ERBB4: variants seen among roughly 807,000 people sequenced by gnomAD.
ERBB4 encodes the protein receptor tyrosine-protein kinase erbB-4.
In ERBB4, 42 loss-of-function variants were observed where a neutral mutation model predicts 158.0. The observed-to-expected ratio is 0.27, with a 90% CI of 0.21 to 0.34. The LOEUF is 0.34. ERBB4 is among the 10% of genes least tolerant of loss of function. ERBB4 has a pLI of 1.00. For missense variants in ERBB4, 1,333 were observed against 1,624.1 expected, an observed-to-expected ratio of 0.82 and a Z score of 3.08; for synonymous variants, 583 against 558.7, an observed-to-expected ratio of 1.04 and a Z score of -0.61.
At chr2:211,896,885 T>C (rs1438825599) in intron 3 of ERBB4, among the ~76,000 whole-genome samples, 1 of 152,042 alleles carries the variant, frequency 6.6e-6, no homozygotes, top group African/African-American at 2.4e-5. Flanking sequence ...TTTCCAATCC[T>C]ATTTATTTGG....
At chr2:212,044,943 G>C (rs926620930) in intron 2 of ERBB4, among the ~76,000 whole-genome samples, 6 of 151,768 alleles carry the variant, frequency 4.0e-5, no homozygotes, top group South Asian at 4.2e-4. Flanking sequence ...GGCAGCAATA[G>C]GCTCAAAGAT....
intron 1 of ERBB4, among the ~76,000 whole-genome samples, chr2:212,446,585 ATATATG>A (rs1400908811): frequency 0.014 from 272 of 19,962 alleles, 46 homozygotes; most frequent in African/African-American, 0.09. Context: ...TCCCATATAT[ATATATG>A]TATATATATA....
chr2:212,155,303 T>C (rs1359961775), intron 1 of ERBB4, among the ~76,000 whole-genome samples: 3 of 151,860 alleles, frequency 2.0e-5, no homozygotes, highest in Non-Finnish European at 4.4e-5. Context: ...ATAATAATTA[T>C]TATAAAAAAG....
At chr2:211,927,811 C>A (rs527619996) in intron 3 of ERBB4, among the ~76,000 whole-genome samples, 2 of 151,946 alleles carry the variant, frequency 1.3e-5, no homozygotes, top group East Asian at 3.9e-4. Context: ...TCCCTTCCAT[C>A]TCTAAAATAT....
intron 19 of ERBB4, among the ~76,000 whole-genome samples, chr2:211,563,626 T>C (rs550702412): frequency 1.3e-5 from 2 of 152,312 alleles, no homozygotes; most frequent in South Asian, 4.1e-4. Context: ...TGTACTATTA[T>C]ATCAATGTTA....
intron 1 of ERBB4, among the ~76,000 whole-genome samples, chr2:212,436,387 C>T (rs2092137932): frequency 1.3e-5 from 2 of 151,940 alleles, no homozygotes; most frequent in South Asian, 2.1e-4. Context: ...GACTGACATC[C>T]ACCAAATATG....
At chr2:212,153,764 G>A (rs1397309071) in intron 1 of ERBB4, among the ~76,000 whole-genome samples, 2 of 152,072 alleles carry the variant, frequency 1.3e-5, no homozygotes, top group Non-Finnish European at 2.9e-5. Flanking sequence ...ATATTTTGTG[G>A]CACTTTCTAG....
intron 1 of ERBB4, among the ~76,000 whole-genome samples, chr2:212,212,448 T>C (rs943127801): frequency 4.6e-5 from 7 of 151,902 alleles, no homozygotes; most frequent in African/African-American, 1.4e-4. Flanking sequence ...TCCATCCTCA[T>C]AGACAGGAAG....
intron 1 of ERBB4, among the ~76,000 whole-genome samples, chr2:212,515,976 A>C (rs887075357): frequency 4.6e-5 from 7 of 152,052 alleles, no homozygotes; most frequent in African/African-American, 1.7e-4. Context: ...GAATAAGTAA[A>C]CTGATTTCAT....
chr2:212,124,885 T>C lies in ERBB4; in HGVS notation c.101A>G (p.Asn34Ser). ...DSQSVCAGTE[N>S]KLSSLSDLEQ... ...CAGGTCAGAGAGAGAGCTCAGTTTATTCTCCGTTCCTGCACACACTGCAAA... is the reference window on the plus strand; with the variant it reads ...CAGGTCAGAGAGAGAGCTCAGTTTACTCTCCGTTCCTGCACACACTGCAAA... Residue 34 changes from asparagine (N) to serine (S), a missense_variant, in exon 2 of 28, where the codon AAT (asparagine) becomes AGT (serine). Transcript: ENST00000342788. The C allele has an allele frequency of 6.2e-7, 1 of 1,614,192 alleles. No individual in the cohort carries two copies. Among genetic ancestry groups the C allele is most frequent in the South Asian group, 1.1e-5 (1 of 91,082 alleles).
intron 2 of ERBB4, among the ~76,000 whole-genome samples, chr2:212,067,643 C>T (rs753496269): frequency 1.3e-4 from 20 of 151,988 alleles, no homozygotes; most frequent in Non-Finnish European, 2.8e-4. Context: ...CAACCAGAGA[C>T]GTTCAATCTA....
At chr2:212,438,978 T>C (rs559143961) in intron 1 of ERBB4, among the ~76,000 whole-genome samples, 1 of 152,240 alleles carries the variant, frequency 6.6e-6, no homozygotes, top group African/African-American at 2.4e-5. Flanking sequence ...CAGTGAGACA[T>C]GGTGCGTTTT....
chr2:211,473,896 A>G (rs1159354978), intron 20 of ERBB4, among the ~76,000 whole-genome samples: 1 of 152,068 alleles, frequency 6.6e-6, no homozygotes, highest in Non-Finnish European at 1.5e-5. Flanking sequence ...CCTAGGTCAT[A>G]AAAGCCAGAA....
chr2:212,043,895 A>G lies in ERBB4; in HGVS notation c.234+80857T>C, dbSNP rs1050675275. Among the ~76,000 whole-genome samples, 55 of 152,152 alleles carry G rather than the reference A, an allele frequency of 3.6e-4. 1 individual carries two copies. Among genetic ancestry groups the G allele is most frequent in the Admixed American group, 5.9e-4 (9 of 15,272 alleles). On this transcript the variant is annotated intron_variant, in intron 2 of 27. Transcript: ENST00000342788. The stretch of plus-strand genomic sequence containing the variant: ...ATGTAAAGCACTTAGCACAGTGCCT[A>G]GCATAATGTGATCACTCAATAAATA...
chr2:212,019,261 T>C (rs988546856), intron 2 of ERBB4, among the ~76,000 whole-genome samples: 2 of 152,192 alleles, frequency 1.3e-5, no homozygotes, highest in African/African-American at 4.8e-5. Context: ...GCGCCCTTAT[T>C]ATATAGCCAT....
At chr2:211,865,275 A>T (rs1357289780) in intron 3 of ERBB4, among the ~76,000 whole-genome samples, 1 of 151,694 alleles carries the variant, frequency 6.6e-6, no homozygotes, top group African/African-American at 2.4e-5. Context: ...ATTGGAAAAA[A>T]CCTGTCCTGA....
intron 3 of ERBB4, among the ~76,000 whole-genome samples, chr2:211,833,864 G>C (rs2077278489): frequency 6.6e-6 from 1 of 151,906 alleles, no homozygotes; most frequent in South Asian, 2.1e-4. Context: ...AAACTTTCTA[G>C]AAGAGTCCCA....
At chr2:212,098,807 G>C (rs919109031) in intron 2 of ERBB4, among the ~76,000 whole-genome samples, 2 of 152,094 alleles carry the variant, frequency 1.3e-5, no homozygotes, top group Non-Finnish European at 2.9e-5. Flanking sequence ...GCTTACTCTT[G>C]TAAGATTGGT....
intron 13 of ERBB4, 148 bp downstream of exon 13, chr2:211,678,904 T>C (rs2072215636): frequency 2.9e-6 from 2 of 683,394 alleles, no homozygotes; most frequent in African/African-American, 1.9e-5. Flanking sequence ...GAGGCGGAGC[T>C]TGCAGTGAGC....
Sources: gnomAD v4.1 joint callset for allele counts (sites outside exome capture counted in the v4.1 genomes callset) on GRCh38, gnomAD v4.1.1 for gene constraint, MANE v1.5 for transcripts, NCBI Gene and HGNC (gene_info 2026-07-23, HGNC 2026-07-21) for gene names.